Variants in RRM2B observed in about 807,000 individuals in gnomAD.
RRM2B encodes the protein ribonucleoside-diphosphate reductase subunit M2 B.
RRM2B carries 20 observed loss-of-function variants against 45.9 expected under a neutral mutation model. That is an observed-to-expected ratio of 0.44 (90% CI 0.31 to 0.63). RRM2B has a LOEUF of 0.63. Among genes scored for constraint, RRM2B ranks in the 30% least tolerant of loss-of-function variants. The pLI, the probability that RRM2B is intolerant of heterozygous loss-of-function variation, is 0.09. For missense variants in RRM2B, 320 were observed against 414.7 expected (o/e 0.77, Z 1.98); for synonymous variants, 124 against 132.3 (o/e 0.94, Z 0.43).
At chr8:102,237,955 G>A (rs907514483) in intron 1 of RRM2B, among the ~76,000 whole-genome samples, 25 of 152,172 alleles carry the variant, frequency 1.6e-4, no homozygotes, top group African/African-American at 5.6e-4. Flanking sequence ...TTAAATCAAA[G>A]ATACCACAGC....
chr8:102,213,794 G>C (rs747956966), intron 7 of RRM2B, among the ~76,000 whole-genome samples: 1 of 151,370 alleles, frequency 6.6e-6, no homozygotes, highest in East Asian at 1.9e-4. Flanking sequence ...ATTTGACAGA[G>C]ATCAATAAGA....
chr8:102,220,580 A>G (rs1223513202), intron 5 of RRM2B, among the ~76,000 whole-genome samples: 1 of 152,160 alleles, frequency 6.6e-6, no homozygotes, highest in African/African-American at 2.4e-5. Flanking sequence ...CTGGGACTAC[A>G]GGCGTGCGTC....
Position 102,208,295 on chromosome 8 carries a change from A to G in RRM2B, c.904-10T>C. On this transcript the variant is annotated splice_polypyrimidine_tract_variant and intron_variant, in intron 8 of 8. Transcript: ENST00000251810. ...TTTCTGCCTGAAAAACCTAAAAAGG[A>G]AAGAAATATTATTAGACATTCTGAA... 6.6e-7 allele frequency: 1 copy of G among 1,517,392 alleles called. No homozygotes were observed. Among genetic ancestry groups the G allele is most frequent in the Non-Finnish European group, 9.1e-7 (1 of 1,093,128 alleles). 94.0% of individuals were successfully genotyped at this position (1,517,392 alleles called of 1,614,324 possible).
At chr8:102,224,724 T>A (rs866275960) in intron 4 of RRM2B, among the ~76,000 whole-genome samples, 161 bp downstream of exon 4, 3 of 152,082 alleles carry the variant, frequency 2.0e-5, no homozygotes, top group Non-Finnish European at 2.9e-5. Flanking sequence ...CTATAACAAG[T>A]TTTTTTTAAA....
rs515726185 is a variant in RRM2B at position 102,225,020 on chromosome 8, T to C, written c.322-2A>G. 2 of 1,613,916 alleles carry C rather than the reference T, an allele frequency of 1.2e-6. No individual in the cohort carries two copies. The highest frequency in any genetic ancestry group is 1.7e-6 in the Non-Finnish European group (2 of 1,179,902). ...CACCTCCTGACTAAAGCGCTCCACC[T>C]AAGAAGATAAGGAAAATAGATATAT... On this transcript the variant is annotated splice_acceptor_variant, in intron 3 of 8. Coordinates refer to ENST00000251810, the MANE Select transcript of RRM2B (RefSeq NM_015713.5). LOFTEE classifies it high-confidence loss of function.
chr8:102,211,028 G>A (rs1162271141), intron 8 of RRM2B, among the ~76,000 whole-genome samples: 1 of 151,954 alleles, frequency 6.6e-6, no homozygotes, highest in African/African-American at 2.4e-5. Flanking sequence ...GAGAGAGCGA[G>A]AGAGAAAGGG....
intron 2 of RRM2B, among the ~76,000 whole-genome samples, chr8:102,228,051 T>C (rs1810964249): frequency 6.6e-6 from 1 of 152,132 alleles, no homozygotes; most frequent in Non-Finnish European, 1.5e-5. Flanking sequence ...AAGTGACATG[T>C]ATTCCTGTTT....
At chr8:102,209,496 T>A (rs1045928692) in intron 8 of RRM2B, among the ~76,000 whole-genome samples, 4 of 152,186 alleles carry the variant, frequency 2.6e-5, no homozygotes, top group African/African-American at 9.7e-5. Flanking sequence ...TAAGTGTTGG[T>A]GCGGATGTGG....
intron 2 of RRM2B, among the ~76,000 whole-genome samples, chr8:102,228,871 G>GA (rs1410159075): frequency 1.3e-5 from 2 of 152,302 alleles, no homozygotes; most frequent in African/African-American, 4.8e-5. Context: ...AATTTTGTCA[G>GA]AAAAAATCTT....
chr8:102,238,768 T>C (rs746481609), intron 1 of RRM2B, 59 bp downstream of exon 1: 2 of 1,613,086 alleles, frequency 1.2e-6, no homozygotes, highest in Admixed American at 3.3e-5. Context: ...TCCTGCAACT[T>C]GCAATCTAAC....
At chr8:102,238,786 C>G in intron 1 of RRM2B, 41 bp downstream of exon 1, 1 of 1,613,558 alleles carries the variant, frequency 6.2e-7, no homozygotes, top group South Asian at 1.1e-5. Flanking sequence ...AACGGGCTGG[C>G]GTGACTGCGG....
At chr8:102,215,061 A>G (rs768494) in intron 6 of RRM2B, among the ~76,000 whole-genome samples, 31 of 149,278 alleles carry the variant, frequency 2.1e-4, no homozygotes, top group African/African-American at 6.9e-4. Context: ...AAAAAAAAAA[A>G]AAAAAAAGAA....
In RRM2B at chr8:102,224,158, T is replaced by C. The variant is rs1200018833; in HGVS notation, c.456-18A>G. 10 of 1,479,142 alleles carry C rather than the reference T, an allele frequency of 6.8e-6. No homozygotes were observed. Among genetic ancestry groups the C allele is most frequent in the Non-Finnish European group, 9.5e-6 (10 of 1,057,920 alleles). 91.6% of individuals were successfully genotyped at this position (1,479,142 alleles called of 1,614,324 possible). On this transcript the variant is annotated intron_variant, in intron 4 of 8. Transcript: ENST00000251810. Reference sequence around the variant, plus strand: ...AAAATTCCCTGTAAAAACAAAAGAATGAACAGCAAAGTTATTCACTTGTTT... The same window carrying C: ...AAAATTCCCTGTAAAAACAAAAGAACGAACAGCAAAGTTATTCACTTGTTT...
intron 7 of RRM2B, 71 bp downstream of exon 7, chr8:102,213,983 G>T: frequency 9.6e-7 from 1 of 1,041,572 alleles, no homozygotes; most frequent in South Asian, 1.3e-5. Flanking sequence ...AATTTCTTAT[G>T]AGTCAATATA....
At chr8:102,238,542 G>T (rs1313768891) in intron 1 of RRM2B, 2 of 1,492,574 alleles carry the variant, frequency 1.3e-6, no homozygotes, top group Non-Finnish European at 1.8e-6. Context: ...GCGGATAAAC[G>T]CAGGGGTAAG....
At chr8:102,232,062 ATAAGTT>A in intron 2 of RRM2B, 81 bp downstream of exon 2, 1 of 1,179,536 alleles carries the variant, frequency 8.5e-7, no homozygotes, top group South Asian at 1.2e-5. Context: ...TCTTCAATGT[ATAAGTT>A]AAAGTTATTC....
At chr8:102,223,369 T>C (rs1810867653) in intron 5 of RRM2B, among the ~76,000 whole-genome samples, 2 of 152,188 alleles carry the variant, frequency 1.3e-5, no homozygotes, top group African/African-American at 2.4e-5. Flanking sequence ...ATTTGTTTCC[T>C]GAAAAATGTT....
chr8:102,220,803 TA>T (rs2132551278), intron 5 of RRM2B, among the ~76,000 whole-genome samples: 1 of 152,332 alleles, frequency 6.6e-6, no homozygotes, highest in African/African-American at 2.4e-5. Context: ...ATAACATAGT[TA>T]TAGAAGGCTA....
chr8:102,214,387 A>G, intron 6 of RRM2B: 1 of 512,196 alleles, frequency 2.0e-6, no homozygotes, highest in Non-Finnish European at 3.6e-6. Context: ...GTTCATCAAC[A>G]TTATAGAAAA....
Sources: gnomAD v4.1 joint callset for allele counts (sites outside exome capture counted in the v4.1 genomes callset) on GRCh38, gnomAD v4.1.1 for gene constraint, MANE v1.5 for transcripts, NCBI Gene and HGNC (gene_info 2026-07-23, HGNC 2026-07-21) for gene names.